The following TBC1D19 variants were observed in gnomAD, a reference collection of about 807,000 sequenced individuals.
The protein encoded by TBC1D19 is TBC1 domain family, member 19.
In TBC1D19, 60 loss-of-function variants were observed where a neutral mutation model predicts 89.0. The ratio of observed to expected loss-of-function variants is 0.67; its 90% CI spans 0.55 to 0.84. The LOEUF (loss-of-function observed/expected upper bound fraction) is 0.84. Ranked by LOEUF, TBC1D19 falls within the 40% of genes least tolerant of loss-of-function variation. The pLI, the probability that TBC1D19 is intolerant of heterozygous loss-of-function variation, is 0.00. For synonymous variants in TBC1D19, 189 were observed against 199.7 expected (o/e 0.95, Z 0.45); for missense variants, 500 against 610.8 (o/e 0.82, Z 1.91).
chr4:26,768,736 A>G, the TBC1D19 span, among the ~76,000 whole-genome samples: 24 of 152,214 alleles, frequency 1.6e-4, no homozygotes, highest in Admixed American at 6.5e-4. Flanking sequence ...AGATTAGTGA[A>G]TCATGAAAAT....
chr4:26,846,295 T>C, the TBC1D19 span, among the ~76,000 whole-genome samples: 1 of 152,220 alleles, frequency 6.6e-6, no homozygotes, highest in African/African-American at 2.4e-5. Context: ...TTTCAGTTCA[T>C]ATGCCATAAT....
intron 7 of TBC1D19, among the ~76,000 whole-genome samples, chr4:26,655,911 T>C (rs987557212): frequency 6.6e-6 from 1 of 152,194 alleles, no homozygotes; most frequent in Non-Finnish European, 1.5e-5. Flanking sequence ...CCCAGTGAGA[T>C]GAACCTGGCA....
At chr4:26,703,724 C>T (rs1206727643) in intron 13 of TBC1D19, among the ~76,000 whole-genome samples, 7 of 151,092 alleles carry the variant, frequency 4.6e-5, no homozygotes, top group African/African-American at 9.7e-5. Flanking sequence ...GAGGCCAAGG[C>T]GGGTGGATCA....
At chr4:26,810,587 C>T in the TBC1D19 span, among the ~76,000 whole-genome samples, 13 of 152,064 alleles carry the variant, frequency 8.5e-5, no homozygotes, top group Non-Finnish European at 1.3e-4. Flanking sequence ...ACATTCTGAC[C>T]CTCCAACTGC....
In TBC1D19 at chr4:26,620,632, C is replaced by T. The variant is rs867069194; in HGVS notation, c.238C>T (p.Pro80Ser). Residue 80 changes from proline to serine, a missense_variant, in exon 4 of 21, where the codon CCT becomes TCT. Physicochemically the swap from Pro to Ser is moderately conservative, Grantham distance 74. Transcript: ENST00000264866. ...TCCTAGGTTTCCTTTACCTAGTCAT[C>T]CTGCTGCACCTCCTGAACATCTTAA... ...ELSVFPLPSH[P>S]AAPPEHLKEP... 6.2e-7 allele frequency: 1 copy of T among 1,613,686 alleles called. No homozygotes were observed. The highest frequency in any genetic ancestry group is 1.7e-4 in the Middle Eastern group (1 of 6,058).
chr4:26,769,738 G>A, the TBC1D19 span, among the ~76,000 whole-genome samples: 64 of 151,932 alleles, frequency 4.2e-4, no homozygotes, highest in African/African-American at 1.5e-3. Flanking sequence ...TGCAGAGACT[G>A]TGTTTCACCA....
the TBC1D19 span, among the ~76,000 whole-genome samples, chr4:26,779,330 G>C: frequency 6.6e-6 from 1 of 152,164 alleles, no homozygotes; most frequent in African/African-American, 2.4e-5. Context: ...CGGGAGAAGG[G>C]GTGGAGGTGC....
At chr4:26,785,208 G>A in the TBC1D19 span, among the ~76,000 whole-genome samples, 2 of 152,166 alleles carry the variant, frequency 1.3e-5, no homozygotes, top group East Asian at 3.8e-4. Context: ...CAATTCAAAA[G>A]TGTCTCTAGG....
chr4:26,602,405 C>T (rs948126376), intron 1 of TBC1D19, among the ~76,000 whole-genome samples: 1 of 147,174 alleles, frequency 6.8e-6, no homozygotes, highest in Non-Finnish European at 1.5e-5. Flanking sequence ...TAAACCATAT[C>T]AAGAAACTGA....
chr4:26,663,788 C>T (rs530711001), intron 8 of TBC1D19, among the ~76,000 whole-genome samples: 2 of 152,248 alleles, frequency 1.3e-5, no homozygotes, highest in South Asian at 4.1e-4. Flanking sequence ...TTATCTGTGA[C>T]CCTGGTCTGT....
At chr4:26,759,093 G>A (rs1283251136), downstream of TBC1D19, among the ~76,000 whole-genome samples, 1 of 152,078 alleles carries the variant, frequency 6.6e-6, no homozygotes, top group Non-Finnish European at 1.5e-5. Context: ...CTCAGGTATT[G>A]CATCATCAGG....
chr4:26,791,948 C>T, the TBC1D19 span, among the ~76,000 whole-genome samples: 1 of 152,178 alleles, frequency 6.6e-6, no homozygotes, highest in Non-Finnish European at 1.5e-5. Flanking sequence ...AGCTGTGAGA[C>T]TGGCTAAGAT....
chr4:26,829,480 T>C, the TBC1D19 span, among the ~76,000 whole-genome samples: 4 of 152,324 alleles, frequency 2.6e-5, no homozygotes, highest in African/African-American at 9.6e-5. Flanking sequence ...CCCACTTCTT[T>C]AACTCCTATT....
At position 26,755,070 on chromosome 4, in the gene TBC1D19, CTT is replaced by C. The variant is rs1719193210; in HGVS notation, c.*124_*125del. On this transcript the variant is annotated 3_prime_UTR_variant, in exon 21 of 21. Transcript: ENST00000264866. ...TAAGCCAATAAAGATCATGTTCCCT[CTT>C]CAGTTAAACCTAAGTAGTTTCTCAC... 1 of 816,052 alleles carries C rather than the reference CTT, an allele frequency of 1.2e-6. No homozygotes were observed. Among genetic ancestry groups the C allele is most frequent in the African/African-American group, 1.8e-5 (1 of 56,004 alleles). The allele number at this position is 816,052 out of a possible 1,614,324, so 50.6% of individuals were successfully genotyped here.
the TBC1D19 span, among the ~76,000 whole-genome samples, chr4:26,793,752 C>CTAGAAT: frequency 6.6e-6 from 1 of 150,972 alleles, no homozygotes; most frequent in Non-Finnish European, 1.5e-5. Context: ...AAAATAGAAT[C>CTAGAAT]CATCTCTTTC....
chr4:26,654,087 A>C (rs1368064198), intron 7 of TBC1D19, among the ~76,000 whole-genome samples: 1 of 152,162 alleles, frequency 6.6e-6, no homozygotes, highest in African/African-American at 2.4e-5. Flanking sequence ...AAAATCTCTC[A>C]GCATTTGCTT....
chr4:26,815,006 C>T, the TBC1D19 span, among the ~76,000 whole-genome samples: 41 of 149,934 alleles, frequency 2.7e-4, no homozygotes, highest in South Asian at 1.7e-3. Context: ...TGGGTGACAG[C>T]GTGAGACCTT....
At chr4:26,594,160 A>G (rs35445672) in intron 1 of TBC1D19, among the ~76,000 whole-genome samples, 69,203 of 151,978 alleles carry the variant, frequency 0.46, 17,505 homozygotes, top group Admixed American at 0.6. Context: ...CTATGCAGCC[A>G]TAAAAAATGA....
At chr4:26,763,144 C>T in the TBC1D19 span, among the ~76,000 whole-genome samples, 2 of 152,082 alleles carry the variant, frequency 1.3e-5, no homozygotes, top group Admixed American at 1.3e-4. Context: ...CTTAATTTCT[C>T]TTGTGTGGTT....
Sources: gnomAD v4.1 joint callset for allele counts (sites outside exome capture counted in the v4.1 genomes callset) on GRCh38, gnomAD v4.1.1 for gene constraint, MANE v1.5 for transcripts, NCBI Gene and HGNC (gene_info 2026-07-23, HGNC 2026-07-21) for gene names.